ROBO2: variants seen among roughly 807,000 people sequenced by gnomAD.
ROBO2 encodes roundabout homolog 2.
A neutral mutation model predicts 160.8 loss-of-function variants in ROBO2; 53 were observed. The ratio of observed to expected loss-of-function variants is 0.33; its 90% CI spans 0.26 to 0.41. The LOEUF (loss-of-function observed/expected upper bound fraction) is 0.41. Among genes scored for constraint, ROBO2 ranks in the 10% least tolerant of loss-of-function variants. ROBO2 has a pLI of 1.00. For synonymous variants in ROBO2, 664 were observed against 611.7 expected (o/e 1.09, Z -1.26); for missense variants, 1,577 against 1,722.4 (o/e 0.92, Z 1.49).
intron 6 of ROBO2, among the ~76,000 whole-genome samples, chr3:77,541,048 T>A (rs150542516): frequency 2.6e-5 from 4 of 152,110 alleles, no homozygotes; most frequent in Non-Finnish European, 4.4e-5. Context: ...GCAAAAAAAA[T>A]TCTACTTGAG....
chr3:76,946,477 G>A (rs1184220241), intron 2 of ROBO2, among the ~76,000 whole-genome samples: 2 of 151,874 alleles, frequency 1.3e-5, no homozygotes, highest in East Asian at 1.9e-4. Context: ...TTACTCTGTC[G>A]CCCAGGCTGG....
upstream of ROBO2, chr3:77,039,823 C>T (rs1179584777): frequency 2.0e-5 from 3 of 152,578 alleles, no homozygotes; most frequent in Admixed American, 2.0e-4. Flanking sequence ...AGAAGTCCTT[C>T]CACCCGCGGC....
At chr3:77,022,269 G>T (rs1447059879) in intron 2 of ROBO2, among the ~76,000 whole-genome samples, 1 of 152,230 alleles carries the variant, frequency 6.6e-6, no homozygotes, top group South Asian at 2.1e-4. Context: ...ACTCAGGAGG[G>T]TGAGGTAGGA....
chr3:76,681,661 G>A (rs2092564686), intron 2 of ROBO2, among the ~76,000 whole-genome samples: 1 of 152,188 alleles, frequency 6.6e-6, no homozygotes, highest in African/African-American at 2.4e-5. Flanking sequence ...CTTGTGCAAA[G>A]ACCCTGGAGC....
At chr3:76,798,270 A>AAGAAAGAAAG (rs1400786547) in intron 2 of ROBO2, among the ~76,000 whole-genome samples, 4 of 146,320 alleles carry the variant, frequency 2.7e-5, no homozygotes, top group African/African-American at 7.8e-5. Flanking sequence ...GAAAGAAAGA[A>AAGAAAGAAAG]AGAAAGAAAG....
rs1553656031 is a variant in ROBO2, at chr3:76,141,060, C to CATTATATATATATATATATATATATATAT, written c.109+203460_109+203461insTATATATATATATATATATATATATATAT. On this transcript the variant is annotated intron_variant, in intron 2 of 26. Transcript: ENST00000487694. ...ACACACACAGATGTCTTTTTACATA[C>CATTATATATATATATATATATATATATAT]ATATATATATATATATAAAATATAT... 5.4e-4 allele frequency among the ~76,000 whole-genome samples: 29 copies of CATTATATATATATATATATATATATATAT among 53,582 alleles called. 1 individual carries two copies. Among genetic ancestry groups the CATTATATATATATATATATATATATATAT allele is most frequent in the African/African-American group, 2.0e-3 (28 of 14,232 alleles). 35.2% of individuals were successfully genotyped at this position (53,582 alleles called of 152,430 possible).
At chr3:77,523,991 C>T (rs1430570000) in intron 6 of ROBO2, among the ~76,000 whole-genome samples, 3 of 151,074 alleles carry the variant, frequency 2.0e-5, no homozygotes, top group African/African-American at 4.9e-5. Context: ...TAGTCCTTCG[C>T]GTGGTAAGAA....
intron 2 of ROBO2, among the ~76,000 whole-genome samples, chr3:77,385,972 C>G (rs944572625): frequency 1.3e-4 from 20 of 152,084 alleles, no homozygotes; most frequent in Admixed American, 7.2e-4. Flanking sequence ...GAAATAAAAA[C>G]ATGAAATATT....
intron 20 of ROBO2, chr3:77,603,048 G>T (rs981019842): frequency 2.2e-6 from 1 of 456,660 alleles, no homozygotes; most frequent in Admixed American, 2.3e-5. Flanking sequence ...AGAAAGGAGT[G>T]GCAGTCTCTC....
chr3:77,513,456 A>G (rs1394272120), intron 5 of ROBO2, among the ~76,000 whole-genome samples: 1 of 151,868 alleles, frequency 6.6e-6, no homozygotes, highest in Non-Finnish European at 1.5e-5. Flanking sequence ...TATGTTTATG[A>G]GGAAAAAATA....
rs190389254 is a variant in ROBO2 at position 76,082,018 on chromosome 3, C to G, written c.109+144416C>G. 1.3e-4 allele frequency among the ~76,000 whole-genome samples: 20 copies of G among 152,200 alleles called. No homozygotes were observed. The East Asian group carries it at 3.7e-3, about 28-fold the overall frequency. ...TGGCAAAGATAATTGAGCCCCCAAC[C>G]GTTAATCTCCTTTCTTCACTCCAAG... is the stretch of plus-strand genomic sequence containing the variant. On this transcript the variant is annotated intron_variant, in intron 2 of 26. Transcript: ENST00000487694.
chr3:77,168,834 A>T (rs1028937816), intron 2 of ROBO2, among the ~76,000 whole-genome samples: 5 of 152,202 alleles, frequency 3.3e-5, no homozygotes, highest in African/African-American at 9.6e-5. Context: ...GAAGAATTCC[A>T]GTCTACCTCA....
intron 6 of ROBO2, among the ~76,000 whole-genome samples, chr3:77,539,112 G>T (rs1157117546): frequency 6.6e-6 from 1 of 152,072 alleles, no homozygotes; most frequent in East Asian, 1.9e-4. Flanking sequence ...TGGAGACGAG[G>T]TTTCACCATG....
intron 2 of ROBO2, among the ~76,000 whole-genome samples, chr3:76,493,322 C>G (rs2079936437): frequency 1.1e-5 from 1 of 86,998 alleles, no homozygotes; most frequent in South Asian, 3.6e-4. Flanking sequence ...GAACCCAAAA[C>G]ATGTAGACAA....
chr3:77,219,721 C>G (rs1268688322), intron 2 of ROBO2, among the ~76,000 whole-genome samples: 7 of 151,270 alleles, frequency 4.6e-5, no homozygotes, highest in Admixed American at 4.6e-4. Flanking sequence ...AGTCACAAAG[C>G]TATTGTGAAG....
intron 1 of ROBO2, among the ~76,000 whole-genome samples, chr3:77,089,717 G>A (rs752316669): frequency 1.4e-4 from 22 of 152,082 alleles, no homozygotes; most frequent in African/African-American, 5.3e-4. Flanking sequence ...AATGGACTTC[G>A]TGTTTTCCAA....
intron 2 of ROBO2, among the ~76,000 whole-genome samples, chr3:76,910,040 T>G (rs1014633986): frequency 2.0e-5 from 3 of 152,170 alleles, no homozygotes; most frequent in Non-Finnish European, 2.9e-5. Flanking sequence ...TGGAATCATG[T>G]TTACAATGAC....
At chr3:76,746,767 A>G (rs1457222903) in intron 2 of ROBO2, among the ~76,000 whole-genome samples, 1 of 152,150 alleles carries the variant, frequency 6.6e-6, no homozygotes. Context: ...TATTAAGCCC[A>G]GCATGCATTA....
intron 2 of ROBO2, among the ~76,000 whole-genome samples, chr3:77,228,283 C>G (rs1346958507): frequency 6.6e-6 from 1 of 152,114 alleles, no homozygotes; most frequent in Non-Finnish European, 1.5e-5. Flanking sequence ...CCTCCCACCT[C>G]AGCCTCTGGA....
Sources: allele counts gnomAD v4.1 joint callset (sites outside exome capture counted in the v4.1 genomes callset), GRCh38; gene constraint gnomAD v4.1.1; transcripts MANE v1.5; gene names NCBI Gene and HGNC (gene_info 2026-07-23, HGNC 2026-07-21).